Variants in STAB2 observed in about 807,000 individuals in gnomAD.
STAB2 encodes stabilin-2.
Under a neutral mutation model 338.1 loss-of-function variants are expected in STAB2, and 288 were observed. The observed-to-expected ratio is 0.85, with a 90% confidence interval of 0.77 to 0.94. STAB2 has a LOEUF of 0.94. Ranked by LOEUF, STAB2 falls within the 40% of genes least tolerant of loss-of-function variation. The probability of loss-of-function intolerance (pLI) is 0.00; values close to 1 mark genes in which losing one functional copy is unlikely to be tolerated. For synonymous variants in STAB2, 1,202 were observed against 1,193.3 expected (o/e 1.01, Z -0.15); for missense variants, 3,141 against 3,210.1 (o/e 0.98, Z 0.52).
In STAB2 at chr12:103,755,609, C is replaced by T. The variant is rs1385093928; in HGVS notation, c.6881-3C>T. On this transcript the variant is annotated splice_polypyrimidine_tract_variant and splice_region_variant and intron_variant, in intron 62 of 68. Coordinates refer to ENST00000388887, the MANE Select transcript of STAB2 (RefSeq NM_017564.10). ...TGGGACCCTGTGTGCCTCTGCCCTC[C>T]AGATGTGAACTGCACCTGCAAGGTG... The T allele has an allele frequency of 3.1e-6, 5 of 1,614,118 alleles. No homozygotes were observed. Among genetic ancestry groups the T allele is most frequent in the East Asian group, 4.5e-5 (2 of 44,856 alleles).
chr12:103,747,037 A>G (rs535232226), intron 58 of STAB2, among the ~76,000 whole-genome samples: 1 of 144,668 alleles, frequency 6.9e-6, no homozygotes, highest in African/African-American at 2.6e-5. Context: ...GCTCACTGCA[A>G]CCTCCGCTTC....
intron 5 of STAB2, among the ~76,000 whole-genome samples, chr12:103,631,079 A>G (rs1957453180): frequency 6.6e-6 from 1 of 152,218 alleles, no homozygotes; most frequent in Non-Finnish European, 1.5e-5. Flanking sequence ...CATCCCTGAA[A>G]TGATCTGTCA....
chr12:103,706,303 C>T (rs1229455726), intron 37 of STAB2, among the ~76,000 whole-genome samples: 1 of 152,100 alleles, frequency 6.6e-6, no homozygotes, highest in Non-Finnish European at 1.5e-5. Flanking sequence ...GCAAGGCAAA[C>T]CCAAGCAGAC....
chr12:103,670,914 T>G lies in STAB2; in HGVS notation c.2371+107T>G. The G allele has an allele frequency of 4.6e-6, 4 of 862,710 alleles. No homozygotes were observed. In the South Asian group the frequency reaches 6.0e-5, roughly 13 times the overall value. 53.4% of individuals were successfully genotyped at this position (862,710 alleles called of 1,614,324 possible). A position where few individuals can be genotyped will look rare whatever the true frequency, so the allele number is the denominator to read the frequency against. ...GTGTCTCAGGACCCCTTTGCTTGGG[T>G]TACACCATCATCACAGAGCATTCAT... On this transcript the variant is annotated intron_variant, in intron 22 of 68. Coordinates refer to ENST00000388887, the MANE Select transcript of STAB2 (RefSeq NM_017564.10).
In STAB2 at chr12:103,655,269, C is replaced by T. The variant is rs750671846; in HGVS notation, c.1570C>T (p.Leu524=). ...TTTTTAGCAAACCATAATGACAATG[C>T]TACAACCAAGGTACAGCAAGTTCAG... is the stretch of plus-strand genomic sequence containing the variant. ...SNNEQTIMTM[L]QPRYSKFRSL... The change falls in exon 14 of 69, where the codon CTA becomes TTA. Residue 524 remains leucine (L), a synonymous_variant. Coordinates refer to ENST00000388887, the MANE Select transcript of STAB2 (RefSeq NM_017564.10). The T allele has an allele frequency of 5.0e-6, 8 of 1,612,666 alleles. No homozygotes were observed. In the African/African-American group the frequency reaches 8.0e-5, roughly 16 times the overall value.
At chr12:103,615,426 C>T (rs921360605) in intron 3 of STAB2, among the ~76,000 whole-genome samples, 1 of 152,156 alleles carries the variant, frequency 6.6e-6, no homozygotes, top group Non-Finnish European at 1.5e-5. Context: ...GGGGAGTCCT[C>T]TAGCCAAAAT....
At chr12:103,766,056 G>T (rs1299550775) in intron 68 of STAB2, 1 of 672,026 alleles carries the variant, frequency 1.5e-6, no homozygotes. Flanking sequence ...GAGTTGGGAT[G>T]ATTTGTCTTG....
chr12:103,640,381 A>G, intron 9 of STAB2, 125 bp downstream of exon 9: 1 of 1,229,106 alleles, frequency 8.1e-7, no homozygotes, highest in Non-Finnish European at 1.1e-6. Flanking sequence ...CCCACCCCAC[A>G]TAGTAGGAGC....
In STAB2 at chr12:103,684,862, T is replaced by G. The variant is rs1427533737; in HGVS notation, c.2902-127T>G. Reference sequence around the variant, plus strand: ...CTGCAACACTAAAGGGTCTATGGGTTACTTCTACCATCTTTCAGCCCCAAA... The same window carrying G: ...CTGCAACACTAAAGGGTCTATGGGTGACTTCTACCATCTTTCAGCCCCAAA... On this transcript the variant is annotated intron_variant, in intron 26 of 68. Transcript: ENST00000388887. 1.4e-4 allele frequency: 105 copies of G among 744,934 alleles called. 1 individual carries two copies. Among genetic ancestry groups the G allele is most frequent in the Non-Finnish European group, 2.2e-4 (98 of 437,034 alleles). 46.1% of individuals were successfully genotyped at this position (744,934 alleles called of 1,614,324 possible). A position where few individuals can be genotyped will look rare whatever the true frequency, so the allele number is the denominator to read the frequency against.
At position 103,762,261 on chromosome 12, in the gene STAB2, T is replaced by A. The variant is rs748671054; in HGVS notation, c.7360-13T>A. On this transcript the variant is annotated splice_polypyrimidine_tract_variant and intron_variant, in intron 66 of 68. Transcript: ENST00000388887. ...GTTTTAAGAATGGGCCCCTTTCCTTTCTTTGTGTTCAGACCTTGACCCACA... is the reference window on the plus strand; with the variant it reads ...GTTTTAAGAATGGGCCCCTTTCCTTACTTTGTGTTCAGACCTTGACCCACA... 1 of 1,612,866 alleles carries A rather than the reference T, an allele frequency of 6.2e-7. No individual in the cohort carries two copies. The highest frequency in any genetic ancestry group is 8.5e-7 in the Non-Finnish European group (1 of 1,179,606).
chr12:103,737,749 G>A lies in STAB2; in HGVS notation c.5666G>A (p.Arg1889His), dbSNP rs199585732. ...CTGATTGATCCCACCCTGGGGGGCCGCTGTGACACCTTTACTACTTTCGAT... is the reference window on the plus strand; with the variant it reads ...CTGATTGATCCCACCCTGGGGGGCCACTGTGACACCTTTACTACTTTCGAT... Reference protein sequence around the residue: ...CLLIDPTLGGRCDTFTTFDAS... With the variant: ...CLLIDPTLGGHCDTFTTFDAS... Residue 1889 changes from arginine (R) to histidine (H), a missense_variant, in exon 53 of 69, where the codon CGC (arginine) becomes CAC (histidine). Arg to His is a conservative substitution (Grantham distance 29). Transcript: ENST00000388887. The A allele has an allele frequency of 1.6e-4, 252 of 1,613,868 alleles. No individual in the cohort carries two copies. Among genetic ancestry groups the A allele is most frequent in the South Asian group, 3.3e-5 (3 of 91,068 alleles).
At chr12:103,750,079 AGTT>A (rs1176457600) in intron 59 of STAB2, among the ~76,000 whole-genome samples, 2 of 152,030 alleles carry the variant, frequency 1.3e-5, no homozygotes, top group African/African-American at 2.4e-5. Flanking sequence ...GACATCATAG[AGTT>A]GTTGTGGGGA....
In STAB2 at chr12:103,711,496, G is replaced by A. The variant is rs1289984101; in HGVS notation, c.4314G>A (p.Gly1438=). The change falls in exon 40 of 69, where the codon GGG becomes GGA. Residue 1438 remains glycine, a synonymous_variant. Transcript: ENST00000388887. ...CAACCACAGAAGACAACTGCAATGGGACATGCCATACCAGCGCCAAGTAGG... is the reference window on the plus strand; with the variant it reads ...CAACCACAGAAGACAACTGCAATGGAACATGCCATACCAGCGCCAAGTAGG... ...DNATTEDNCN[G]TCHTSANCLT... The A allele has an allele frequency of 1.9e-6, 3 of 1,613,994 alleles. No individual in the cohort carries two copies. In the African/African-American group the frequency reaches 4.0e-5, roughly 22 times the overall value.
chr12:103,588,838 CTCTA>C (rs539568090), intron 1 of STAB2, among the ~76,000 whole-genome samples: 62 of 152,270 alleles, frequency 4.1e-4, no homozygotes, highest in South Asian at 3.9e-3. Context: ...TTAATTCAAA[CTCTA>C]TCTAAGTGTA....
At chr12:103,614,961 G>T (rs17034212) in intron 3 of STAB2, among the ~76,000 whole-genome samples, 2 of 152,184 alleles carry the variant, frequency 1.3e-5, no homozygotes, top group Non-Finnish European at 2.9e-5. Flanking sequence ...TAAAATTGTA[G>T]CAGGTTCTTA....
At chr12:103,691,004 C>T (rs965799203) in intron 30 of STAB2, among the ~76,000 whole-genome samples, 1 of 152,132 alleles carries the variant, frequency 6.6e-6, no homozygotes, top group African/African-American at 2.4e-5. Context: ...AGTTAATCAA[C>T]CAACAACTAT....
intron 16 of STAB2, 120 bp downstream of exon 16, chr12:103,660,504 C>A: frequency 1.5e-6 from 2 of 1,336,890 alleles, no homozygotes; most frequent in Non-Finnish European, 2.2e-6. Context: ...AATAAACCCT[C>A]AGCCATGAAC....
chr12:103,722,356 T>C (rs79956596), intron 44 of STAB2, among the ~76,000 whole-genome samples: 9,102 of 152,270 alleles, frequency 0.06, 358 homozygotes, highest in Non-Finnish European at 0.085. Flanking sequence ...GATGTTGAGA[T>C]GTCACCTATG....
intron 3 of STAB2, among the ~76,000 whole-genome samples, chr12:103,608,100 C>A (rs10431457): frequency 0.04 from 6,110 of 152,222 alleles, 175 homozygotes; most frequent in East Asian, 0.12. Context: ...GAGATGGTAT[C>A]TCGTTGTGGT....
Sources: gnomAD v4.1 joint callset for allele counts (sites outside exome capture counted in the v4.1 genomes callset) on GRCh38, gnomAD v4.1.1 for gene constraint, MANE v1.5 for transcripts, NCBI Gene and HGNC (gene_info 2026-07-23, HGNC 2026-07-21) for gene names.